JADE1: variants seen among roughly 807,000 people sequenced by gnomAD.
JADE1 encodes jade family PHD finger 1.
In JADE1, 14 loss-of-function variants were observed where a neutral mutation model predicts 81.8. That is an observed-to-expected ratio of 0.17 (90% CI 0.11 to 0.27). JADE1 has a LOEUF of 0.27. JADE1 is among the 10% of genes least tolerant of loss of function. JADE1 has a pLI of 1.00. For missense variants in JADE1, 690 were observed against 1,047.9 expected (o/e 0.66, Z 4.71); for synonymous variants, 353 against 391.9 (o/e 0.90, Z 1.17).
At chr4:128,833,441 C>T (rs919136654) in intron 2 of JADE1, among the ~76,000 whole-genome samples, 5 of 152,164 alleles carry the variant, frequency 3.3e-5, no homozygotes, top group Admixed American at 2.0e-4. Flanking sequence ...TGGTGGCTCA[C>T]GCCTGTATTC....
chr4:128,846,063 C>T lies in JADE1; in HGVS notation c.139-312C>T, dbSNP rs531730472. ...GAGATTTCCAGGTACATGTTTTCAG[C>T]AGCCCTTTTGGTGAACTGAGAGACA... On this transcript the variant is annotated intron_variant, in intron 3 of 10. Coordinates refer to ENST00000226319, the MANE Select transcript of JADE1 (RefSeq NM_199320.4). The surrounding 1 kb of genome is among the most constrained non-coding windows in gnomAD (Gnocchi z 4.0). Among the ~76,000 whole-genome samples, 1 of 152,248 alleles carries T rather than the reference C, an allele frequency of 6.6e-6. No individual in the cohort carries two copies. Among genetic ancestry groups the T allele is most frequent in the South Asian group, 2.1e-4 (1 of 4,830 alleles).
At chr4:128,863,745 A>G in intron 9 of JADE1, 2 of 985,426 alleles carry the variant, frequency 2.0e-6, no homozygotes, top group Non-Finnish European at 2.4e-6. Flanking sequence ...AGATGAGAAA[A>G]GGATTGAGAA....
At chr4:128,856,030 G>C (rs1439850264) in intron 7 of JADE1, among the ~76,000 whole-genome samples, 1 of 151,988 alleles carries the variant, frequency 6.6e-6, no homozygotes, top group East Asian at 1.9e-4. Flanking sequence ...TGTTGACCTG[G>C]CTGGTCTCAA....
At position 128,871,830 on chromosome 4, in the gene JADE1, A is replaced by G; in HGVS notation, c.2097A>G (p.Arg699=). The G allele has an allele frequency of 6.2e-7, 1 of 1,614,124 alleles. No individual in the cohort carries two copies. The highest frequency in any genetic ancestry group is 8.5e-7 in the Non-Finnish European group (1 of 1,179,986). The change falls in exon 11 of 11, where the codon AGA becomes AGG. Residue 699 remains arginine (R), a synonymous_variant. Coordinates refer to ENST00000226319, the MANE Select transcript of JADE1 (RefSeq NM_199320.4). The surrounding 1 kb of genome is among the most constrained non-coding windows in gnomAD (Gnocchi z 4.1). ...CCCAGAGGCATCTGGACAACACAAG[A>G]GCTGCCACCTCCCCTGGAGTGGGGC... ...DVSQRHLDNT[R]AATSPGVGQS...
rs893677850 is a variant in JADE1, at chr4:128,874,313, CTAAAT to C, written c.*2055_*2059del. On this transcript the variant is annotated 3_prime_UTR_variant, in exon 11 of 11. Coordinates refer to ENST00000226319, the MANE Select transcript of JADE1 (RefSeq NM_199320.4). ...ATTTGTCAAGCCATAGAAAGAAAAT[CTAAAT>C]TAATCTAGTAAGTGTATGACCTCTC... 2 of 152,424 alleles carry C rather than the reference CTAAAT, an allele frequency of 1.3e-5. No homozygotes were observed. The highest frequency in any genetic ancestry group is 4.8e-5 in the African/African-American group (2 of 41,362). The allele number at this position is 152,424 out of a possible 1,614,324, so 9.4% of individuals were successfully genotyped here.
chr4:128,825,094 C>T lies in JADE1; in HGVS notation c.-26-6639C>T, dbSNP rs146307957. Among the ~76,000 whole-genome samples, 147 of 152,232 alleles carry T rather than the reference C, an allele frequency of 9.7e-4. 1 individual carries two copies. The highest frequency in any genetic ancestry group is 3.4e-3 in the African/African-American group (142 of 41,524). ...TTGCTATATTGCCCGGGCTGGGGTG[C>T]AGTGGTATGATCTTGACTCACTGCA... On this transcript the variant is annotated intron_variant, in intron 1 of 10. Transcript: ENST00000226319.
At chr4:128,830,542 A>C (rs753511693) in intron 1 of JADE1, among the ~76,000 whole-genome samples, 5 of 152,112 alleles carry the variant, frequency 3.3e-5, no homozygotes, top group Non-Finnish European at 7.4e-5. Flanking sequence ...CCACATTTGC[A>C]TTGTTAACAC....
intron 8 of JADE1, among the ~76,000 whole-genome samples, chr4:128,859,182 GTATGCATGTGTGAGTGTGTGTGTA>G (rs1380344021): frequency 6.6e-6 from 1 of 151,918 alleles, no homozygotes; most frequent in Non-Finnish European, 1.5e-5. Context: ...GTGTGTGTGT[GTATGCATGTGTGAGTGTGTGTGTA>G]TGGGTGTGTG....
chr4:128,867,202 G>A (rs761500685), intron 9 of JADE1, among the ~76,000 whole-genome samples: 1 of 152,148 alleles, frequency 6.6e-6, no homozygotes, highest in Non-Finnish European at 1.5e-5. Flanking sequence ...GGCAAAGCTG[G>A]AAATTTCCTA....
intron 1 of JADE1, chr4:128,810,131 C>G (rs1401585952): frequency 6.6e-6 from 1 of 152,392 alleles, no homozygotes; most frequent in East Asian, 1.9e-4. Context: ...ATTAATATGG[C>G]GCCAAAAGAT....
intron 2 of JADE1, among the ~76,000 whole-genome samples, chr4:128,836,923 T>C (rs1729032003): frequency 6.6e-6 from 1 of 152,008 alleles, no homozygotes; most frequent in Admixed American, 6.6e-5. Context: ...TAGCAAATGG[T>C]GTTTTTGTTG....
intron 6 of JADE1, 44 bp downstream of exon 6, chr4:128,852,312 A>G (rs1029448009): frequency 5.3e-6 from 8 of 1,517,504 alleles, no homozygotes; most frequent in Non-Finnish European, 7.3e-6. Flanking sequence ...CTGGGGCATG[A>G]GCCTGTCTGC....
chr4:128,818,824 A>G (rs372214253), intron 1 of JADE1, among the ~76,000 whole-genome samples: 12 of 152,284 alleles, frequency 7.9e-5, no homozygotes, highest in East Asian at 1.9e-4. Context: ...CTCAAAAACC[A>G]TACAGAAACA....
chr4:128,827,833 G>A (rs1010688051), intron 1 of JADE1: 1 of 980,448 alleles, frequency 1.0e-6, no homozygotes, highest in South Asian at 4.7e-5. Context: ...GTAAACCTTG[G>A]CAATTGGCTA....
chr4:128,868,867 C>T lies in JADE1; in HGVS notation c.1621+894C>T, dbSNP rs1731979017. Among the ~76,000 whole-genome samples the T allele has an allele frequency of 2.6e-5, 4 of 152,310 alleles. No individual in the cohort carries two copies. In the South Asian group the frequency reaches 8.3e-4, roughly 32 times the overall value. ...CTTCATTGGAAGATAGTCAGCCTCTCTCCTGCCTTGGACTGCCCTTTAAAG... is the reference window on the plus strand; with the variant it reads ...CTTCATTGGAAGATAGTCAGCCTCTTTCCTGCCTTGGACTGCCCTTTAAAG... On this transcript the variant is annotated intron_variant, in intron 10 of 10. Coordinates refer to ENST00000226319, the MANE Select transcript of JADE1 (RefSeq NM_199320.4).
chr4:128,824,628 C>T (rs985074253), intron 1 of JADE1, among the ~76,000 whole-genome samples: 1 of 152,232 alleles, frequency 6.6e-6, no homozygotes, highest in Non-Finnish European at 1.5e-5. Flanking sequence ...AAAAGCATCT[C>T]AAATTCAATA....
intron 1 of JADE1, among the ~76,000 whole-genome samples, chr4:128,826,930 C>CA (rs1728133025): frequency 6.6e-6 from 1 of 152,168 alleles, no homozygotes; most frequent in Non-Finnish European, 1.5e-5. Context: ...CCAGTTGAAG[C>CA]AAAAATCCTG....
intron 5 of JADE1, among the ~76,000 whole-genome samples, chr4:128,850,218 G>C (rs1311183544): frequency 9.6e-6 from 1 of 104,076 alleles, no homozygotes; most frequent in African/African-American, 3.2e-5. Context: ...CACTTGAGGT[G>C]ATTCTTCTCA....
chr4:128,828,475 G>A (rs1431714406), intron 1 of JADE1, among the ~76,000 whole-genome samples: 1 of 152,164 alleles, frequency 6.6e-6, no homozygotes, highest in African/African-American at 2.4e-5. Context: ...GAGCCACAGA[G>A]GAGGAAATTC....
Sources: allele counts gnomAD v4.1 joint callset (sites outside exome capture counted in the v4.1 genomes callset), GRCh38; gene constraint gnomAD v4.1.1; non-coding constraint Gnocchi (gnomAD v3.1); transcripts MANE v1.5; gene names NCBI Gene and HGNC (gene_info 2026-07-23, HGNC 2026-07-21).